The following CMTM8 variants were observed in gnomAD, a reference collection of about 807,000 sequenced individuals.
The protein encoded by CMTM8 is CKLF like MARVEL transmembrane domain containing 8, also known as CKLF-like MARVEL transmembrane domain-containing protein 8.
In CMTM8, 12 loss-of-function variants were observed where a neutral mutation model predicts 18.6. The observed-to-expected ratio is 0.65, with a 90% CI of 0.41 to 1.05. The LOEUF is 1.05. CMTM8 is among the 50% of genes least tolerant of loss of function. CMTM8 has a pLI of 0.00. For synonymous variants in CMTM8, 87 were observed against 90.6 expected (o/e 0.96, Z 0.23); for missense variants, 217 against 227.2 (o/e 0.95, Z 0.29).
At chr3:32,337,991 TTTTTTTA>T (rs1484795018) in intron 1 of CMTM8, among the ~76,000 whole-genome samples, 2 of 144,584 alleles carry the variant, frequency 1.4e-5, no homozygotes, top group African/African-American at 2.6e-5. Flanking sequence ...TTTTTTTTTT[TTTTTTTA>T]AATTGAGATG....
intron 1 of CMTM8, among the ~76,000 whole-genome samples, chr3:32,291,826 C>T (rs1288251325): frequency 6.6e-6 from 1 of 152,234 alleles, no homozygotes; most frequent in African/African-American, 2.4e-5. Flanking sequence ...CCAAGCCCTG[C>T]CTCCTTAAAC....
intron 1 of CMTM8, among the ~76,000 whole-genome samples, chr3:32,334,934 A>G (rs970730608): frequency 3.3e-5 from 5 of 152,108 alleles, no homozygotes; most frequent in South Asian, 4.2e-4. Context: ...GGTGAGGCCA[A>G]GGGTCTCCTG....
At chr3:32,254,546 A>G (rs986092498) in intron 1 of CMTM8, among the ~76,000 whole-genome samples, 3 of 152,090 alleles carry the variant, frequency 2.0e-5, no homozygotes, top group Non-Finnish European at 2.9e-5. Context: ...TATAAATTCT[A>G]TTTTGTTTGG....
chr3:32,276,279 G>A (rs776491728), intron 1 of CMTM8, among the ~76,000 whole-genome samples: 12 of 152,140 alleles, frequency 7.9e-5, no homozygotes, highest in African/African-American at 1.2e-4. Context: ...ATTCAGTGAG[G>A]GGGTGCAGAG....
intron 1 of CMTM8, among the ~76,000 whole-genome samples, chr3:32,326,503 TTTTC>T (rs1432440961): frequency 2.0e-5 from 3 of 148,772 alleles, no homozygotes; most frequent in Non-Finnish European, 3.0e-5. Flanking sequence ...AGGTCCTGAC[TTTTC>T]TTTCTTTCTT....
chr3:32,244,401 G>A (rs1575143115), intron 1 of CMTM8, among the ~76,000 whole-genome samples: 2 of 152,328 alleles, frequency 1.3e-5, no homozygotes, highest in East Asian at 3.9e-4. Context: ...GCCTAGGCTA[G>A]CCTTGAGCTC....
chr3:32,347,961 T>G (rs1477108169), intron 1 of CMTM8, among the ~76,000 whole-genome samples: 1 of 152,164 alleles, frequency 6.6e-6, no homozygotes, highest in Non-Finnish European at 1.5e-5. Flanking sequence ...TGGATTTCCC[T>G]TCATCCTGGG....
intron 1 of CMTM8, among the ~76,000 whole-genome samples, chr3:32,285,331 A>G (rs1702662614): frequency 6.6e-6 from 1 of 152,118 alleles, no homozygotes; most frequent in Non-Finnish European, 1.5e-5. Context: ...CCTGGGCAAC[A>G]TGGTGAAACC....
chr3:32,285,067 T>G (rs1176635344), intron 1 of CMTM8, among the ~76,000 whole-genome samples: 1 of 152,172 alleles, frequency 6.6e-6, no homozygotes, highest in Non-Finnish European at 1.5e-5. Context: ...TGGAAATTCC[T>G]CAGGGAGGGT....
rs761557214 is a variant in CMTM8, at chr3:32,370,001, G to A, written c.*34G>A. ...TTTGATAATTAAAAGGAAAAAAAAA[G>A]GAAGACTCTCACTGTAAAAACAGCT... On this transcript the variant is annotated 3_prime_UTR_variant, in exon 4 of 4. Coordinates refer to ENST00000307526, the MANE Select transcript of CMTM8 (RefSeq NM_178868.5). 3.9e-6 allele frequency: 5 copies of A among 1,279,076 alleles called. No homozygotes were observed. The highest frequency in any genetic ancestry group is 2.7e-5 in the South Asian group (2 of 73,834). 79.2% of individuals were successfully genotyped at this position (1,279,076 alleles called of 1,614,324 possible).
Position 32,239,053 on chromosome 3 carries a change from C to A in CMTM8, c.81C>A (p.Ser27Arg). Residue 27 changes from serine to arginine, a missense_variant, in exon 1 of 4, where the codon AGC (serine) becomes AGA (arginine). Transcript: ENST00000307526. ...TCGCAGAGAACTTCTCCACCAGCAG[C>A]AGCAGCTTCGCCTACGACCGGGAGT... ...SSFAENFSTSSSSFAYDREFL... is the reference protein window; with the variant it reads ...SSFAENFSTSRSSFAYDREFL... The A allele has an allele frequency of 6.3e-7, 1 of 1,594,064 alleles. No homozygotes were observed. The highest frequency in any genetic ancestry group is 1.7e-5 in the Admixed American group (1 of 57,834).
At chr3:32,285,991 A>G (rs992144150) in intron 1 of CMTM8, among the ~76,000 whole-genome samples, 1 of 152,232 alleles carries the variant, frequency 6.6e-6, no homozygotes, top group African/African-American at 2.4e-5. Flanking sequence ...AGTTAGGTCA[A>G]TACCTCCCTG....
chr3:32,273,062 T>C (rs538534955), intron 1 of CMTM8, among the ~76,000 whole-genome samples: 2 of 152,036 alleles, frequency 1.3e-5, no homozygotes, highest in South Asian at 4.2e-4. Flanking sequence ...ATTTCACACC[T>C]ATAAGGATGG....
At chr3:32,334,646 A>G (rs942164982) in intron 1 of CMTM8, among the ~76,000 whole-genome samples, 3 of 151,950 alleles carry the variant, frequency 2.0e-5, no homozygotes, top group African/African-American at 7.2e-5. Flanking sequence ...GAAGCTCCCC[A>G]ACTCGGCACA....
intron 1 of CMTM8, among the ~76,000 whole-genome samples, chr3:32,312,525 G>A (rs1425850423): frequency 6.6e-6 from 1 of 152,168 alleles, no homozygotes; most frequent in Non-Finnish European, 1.5e-5. Flanking sequence ...TGGAGCAGGA[G>A]CTGTGTCCCC....
chr3:32,338,714 T>C (rs560313986), intron 1 of CMTM8, among the ~76,000 whole-genome samples: 1 of 152,364 alleles, frequency 6.6e-6, no homozygotes, highest in East Asian at 1.9e-4. Context: ...ATTGGTCATC[T>C]AATTCTGTGT....
chr3:32,271,708 C>T (rs1038880385), intron 1 of CMTM8, among the ~76,000 whole-genome samples: 3 of 152,140 alleles, frequency 2.0e-5, no homozygotes, highest in Non-Finnish European at 4.4e-5. Context: ...GTTTCTCATT[C>T]TCTTTCTTCT....
intron 1 of CMTM8, among the ~76,000 whole-genome samples, chr3:32,357,098 G>T (rs1037459590): frequency 4.6e-5 from 7 of 152,088 alleles, no homozygotes; most frequent in Non-Finnish European, 1.0e-4. Context: ...AATTGACTTA[G>T]CCAGGCATGG....
chr3:32,278,584 C>T (rs937464839), intron 1 of CMTM8, among the ~76,000 whole-genome samples: 7 of 152,188 alleles, frequency 4.6e-5, no homozygotes, highest in East Asian at 1.9e-4. Context: ...TATTTGTTGC[C>T]GCCTCTGTTT....
Sources: allele counts gnomAD v4.1 joint callset (sites outside exome capture counted in the v4.1 genomes callset), GRCh38; gene constraint gnomAD v4.1.1; transcripts MANE v1.5; gene names NCBI Gene and HGNC (gene_info 2026-07-23, HGNC 2026-07-21).